The following ARHGAP32 variants were observed in gnomAD, a reference collection of about 807,000 sequenced individuals.
ARHGAP32 encodes the protein rho GTPase-activating protein 32.
A neutral mutation model predicts 186.5 loss-of-function variants in ARHGAP32; 51 were observed. That is an observed-to-expected ratio of 0.27 (90% CI 0.22 to 0.35). The LOEUF is 0.35. ARHGAP32 is among the 10% of genes least tolerant of loss of function. The probability of loss-of-function intolerance (pLI) is 1.00; values close to 1 mark genes in which losing one functional copy is unlikely to be tolerated. For missense variants in ARHGAP32, 2,186 were observed against 2,623.5 expected (o/e 0.83, Z 3.64); for synonymous variants, 950 against 964.3 (o/e 0.99, Z 0.27).
intron 5 of ARHGAP32, among the ~76,000 whole-genome samples, chr11:129,112,920 A>T (rs1942267083): frequency 6.6e-6 from 1 of 152,198 alleles, no homozygotes; most frequent in South Asian, 2.1e-4. Context: ...AAAAAGTGCA[A>T]GATGTTCACA....
Position 128,974,288 on chromosome 11 carries a change from A to C in ARHGAP32, c.2909T>G (p.Ile970Arg), listed in dbSNP as rs1945480083. 1 of 1,614,006 alleles carries C rather than the reference A, an allele frequency of 6.2e-7. No homozygotes were observed. The highest frequency in any genetic ancestry group is 8.5e-7 in the Non-Finnish European group (1 of 1,180,040). ...RDATNRSPTQIVKMKTNETVA... is the reference protein window; with the variant it reads ...RDATNRSPTQRVKMKTNETVA... ...TGTCTCATTTGTTTTCATCTTTACT[A>C]TCTGGGTGGGGGATCTATTTGTGGC... Residue 970 changes from isoleucine (I) to arginine (R), a missense_variant, in exon 21 of 23, where the codon ATA (isoleucine) becomes AGA (arginine). Coordinates refer to ENST00000682385, the MANE Select transcript of ARHGAP32 (RefSeq NM_001378024.1).
At chr11:129,248,775 C>G (rs1285642453) in intron 1 of ARHGAP32, among the ~76,000 whole-genome samples, 3 of 152,196 alleles carry the variant, frequency 2.0e-5, no homozygotes, top group African/African-American at 7.2e-5. Flanking sequence ...ATCAGTACTG[C>G]TGATGACTCA....
At chr11:129,063,759 T>C in intron 9 of ARHGAP32, 143 bp downstream of exon 9, 3 of 931,506 alleles carry the variant, frequency 3.2e-6, no homozygotes, top group South Asian at 2.3e-5. Flanking sequence ...ATAGAAGATA[T>C]TACAGGCTGA....
upstream of ARHGAP32, among the ~76,000 whole-genome samples, chr11:129,194,854 C>A (rs1001490082): frequency 2.7e-5 from 4 of 149,694 alleles, no homozygotes; most frequent in Non-Finnish European, 5.9e-5. Context: ...TCATGACCTT[C>A]AGTAAAGAAT....
At chr11:129,189,014 T>C (rs562535944) in intron 1 of ARHGAP32, among the ~76,000 whole-genome samples, 16 of 152,336 alleles carry the variant, frequency 1.1e-4, no homozygotes, top group African/African-American at 3.1e-4. Flanking sequence ...CTAGGTGTCC[T>C]AGAGGTCACA....
intron 2 of ARHGAP32, among the ~76,000 whole-genome samples, chr11:129,143,088 T>TATATATATATATATATATATATATATAA (rs886102587): frequency 1.5e-4 from 23 of 149,054 alleles, no homozygotes; most frequent in African/African-American, 2.0e-4. Flanking sequence ...TATATATATA[T>TATATATATATATATATATATATATATAA]AATCAACTGA....
chr11:129,073,879 G>A (rs1303192431), intron 6 of ARHGAP32, among the ~76,000 whole-genome samples: 6 of 151,966 alleles, frequency 3.9e-5, no homozygotes, highest in Admixed American at 1.3e-4. Context: ...GGTCAAAATC[G>A]GAATTATATA....
At chr11:129,024,243 T>G (rs1455851372) in intron 11 of ARHGAP32, 3 of 920,642 alleles carry the variant, frequency 3.3e-6, no homozygotes, top group Non-Finnish European at 3.9e-6. Context: ...CAGAACAGGC[T>G]TCACCAGAAG....
At chr11:129,174,289 C>T (rs2135513871) in intron 1 of ARHGAP32, among the ~76,000 whole-genome samples, 1 of 152,324 alleles carries the variant, frequency 6.6e-6, no homozygotes, top group East Asian at 1.9e-4. Flanking sequence ...TCGGAGGGTC[C>T]TACGCCCACG....
intron 5 of ARHGAP32, among the ~76,000 whole-genome samples, chr11:129,117,865 C>T (rs193202866): frequency 6.6e-5 from 10 of 151,836 alleles, no homozygotes; most frequent in East Asian, 5.8e-4. Flanking sequence ...AGATTCCCCC[C>T]GCTTCTTACT....
chr11:129,164,947 G>C (rs1283334420), intron 1 of ARHGAP32, among the ~76,000 whole-genome samples: 1 of 152,130 alleles, frequency 6.6e-6, no homozygotes, highest in African/African-American at 2.4e-5. Context: ...AATACAGATG[G>C]GACATCCAGG....
rs749344692 is a variant in ARHGAP32, at chr11:129,082,882, A to AAAC, written c.531+10736_531+10738dup. On this transcript the variant is annotated intron_variant, in intron 6 of 22. Transcript: ENST00000682385. ...GGAACCCAAATAAATCAGCAAGACA[A>AAAC]AACAACAACAACAACAACAACAACA... is the stretch of plus-strand genomic sequence containing the variant. Among the ~76,000 whole-genome samples the AAAC allele has an allele frequency of 7.2e-3, 1,095 of 151,676 alleles. 2 individuals carry two copies. The highest frequency in any genetic ancestry group is 0.011 in the African/African-American group (467 of 41,344).
At chr11:129,277,431 A>G (rs1189115747) in intron 1 of ARHGAP32, among the ~76,000 whole-genome samples, 1 of 152,144 alleles carries the variant, frequency 6.6e-6, no homozygotes, top group Non-Finnish European at 1.5e-5. Context: ...CTCCCTAGAA[A>G]ACAAAACAGT....
chr11:129,194,395 AT>A (rs1245659722), upstream of ARHGAP32, among the ~76,000 whole-genome samples: 1 of 152,228 alleles, frequency 6.6e-6, no homozygotes, highest in Non-Finnish European at 1.5e-5. Flanking sequence ...ATAGAATGGA[AT>A]GCTACACAGT....
chr11:129,132,460 A>G lies in ARHGAP32; in HGVS notation c.226-7566T>C, dbSNP rs186719533. On this transcript the variant is annotated intron_variant, in intron 2 of 22. Coordinates refer to ENST00000682385, the MANE Select transcript of ARHGAP32 (RefSeq NM_001378024.1). ...GCCACTGCACTCCAGCCTGAGCAAC[A>G]GAGCAAGATCAGGGGGAGAAAAAAA... Among the ~76,000 whole-genome samples, 353 of 152,128 alleles carry G rather than the reference A, an allele frequency of 2.3e-3. 1 individual carries two copies. The highest frequency in any genetic ancestry group is 8.3e-3 in the African/African-American group (344 of 41,490).
chr11:129,258,712 G>A (rs927044339), intron 1 of ARHGAP32, among the ~76,000 whole-genome samples: 4 of 152,250 alleles, frequency 2.6e-5, no homozygotes, highest in Admixed American at 1.3e-4. Flanking sequence ...CTGATAAATC[G>A]AGACTCAAAG....
At position 128,969,924 on chromosome 11, in the gene ARHGAP32, T is replaced by G. The variant is rs995085357; in HGVS notation, c.5289A>C (p.Lys1763Asn). The change falls in exon 23 of 23, where the codon AAA becomes AAC. Residue 1763 changes from lysine to asparagine, a missense_variant. Lys to Asn is a moderately conservative substitution (Grantham distance 94). This residue lies in a region of ARHGAP32 where 1,502 missense variants were observed against 1,570.0 expected (regional missense o/e 0.96). Transcript: ENST00000682385. This position sits in a 1 kb window ranked among gnomAD's most constrained non-coding sequence, Gnocchi z 4.8. ...CTCTCCGGATGGACTGCATGCGGTATTTTTCCATGTCCTCAAGATCCCATG... is the reference window on the plus strand; with the variant it reads ...CTCTCCGGATGGACTGCATGCGGTAGTTTTCCATGTCCTCAAGATCCCATG... ...YTSWDLEDME[K>N]YRMQSIRRES... is the part of the protein sequence containing the mutation. The G allele has an allele frequency of 6.2e-7, 1 of 1,614,194 alleles. No homozygotes were observed. Among genetic ancestry groups the G allele is most frequent in the South Asian group, 1.1e-5 (1 of 91,084 alleles).
chr11:129,010,507 G>A (rs115301339), intron 11 of ARHGAP32, among the ~76,000 whole-genome samples: 11,060 of 152,026 alleles, frequency 0.073, 456 homozygotes, highest in Middle Eastern at 0.085. Context: ...AATTTTCTGC[G>A]TATGGCTAGC....
upstream of ARHGAP32, among the ~76,000 whole-genome samples, chr11:129,193,313 GGGGGGGGGGGGGGGC>G (rs1352079388): frequency 5.2e-4 from 3 of 5,808 alleles, 1 homozygote; most frequent in African/African-American, 1.3e-3. Flanking sequence ...CTTTATGGGG[GGGGGGGGGGGGGGGC>G]GGGAAACAGC....
Sources: gnomAD v4.1 joint callset for allele counts (sites outside exome capture counted in the v4.1 genomes callset) on GRCh38, gnomAD v4.1.1 for gene constraint, gnomAD v4.1.1 regional missense constraint, Gnocchi (gnomAD v3.1) non-coding constraint, MANE v1.5 for transcripts, NCBI Gene and HGNC (gene_info 2026-07-23, HGNC 2026-07-21) for gene names.